ATP2B2: variants seen among roughly 807,000 people sequenced by gnomAD.
The protein encoded by ATP2B2 is plasma membrane calcium-transporting ATPase 2.
In ATP2B2, 15 loss-of-function variants were observed where a neutral mutation model predicts 120.0. That is an observed-to-expected ratio of 0.12 (90% CI 0.08 to 0.19). The LOEUF (loss-of-function observed/expected upper bound fraction) is 0.19. Among genes scored for constraint, ATP2B2 ranks in the 10% least tolerant of loss-of-function variants. The pLI, the probability that ATP2B2 is intolerant of heterozygous loss-of-function variation, is 1.00. For synonymous variants in ATP2B2, 694 were observed against 700.3 expected (o/e 0.99, Z 0.14); for missense variants, 1,045 against 1,719.8 (o/e 0.61, Z 6.94).
At chr3:10,612,028 T>C (rs766525896) in intron 2 of ATP2B2, among the ~76,000 whole-genome samples, 1 of 152,204 alleles carries the variant, frequency 6.6e-6, no homozygotes, top group Non-Finnish European at 1.5e-5. Flanking sequence ...CTCTCTGTTC[T>C]AGAGTATGGA....
At chr3:10,401,838 T>C (rs968662472) in intron 4 of ATP2B2, among the ~76,000 whole-genome samples, 2 of 152,254 alleles carry the variant, frequency 1.3e-5, no homozygotes, top group Non-Finnish European at 2.9e-5. Flanking sequence ...ATGTCTGCTA[T>C]GGGTGGAAGT....
chr3:10,561,039 C>T (rs902154917), intron 2 of ATP2B2, among the ~76,000 whole-genome samples: 1 of 152,186 alleles, frequency 6.6e-6, no homozygotes, highest in African/African-American at 2.4e-5. Flanking sequence ...GACCTTCCAT[C>T]ACCCTCTAAT....
chr3:10,429,682 C>A (rs2063253521), intron 2 of ATP2B2, among the ~76,000 whole-genome samples: 1 of 152,166 alleles, frequency 6.6e-6, no homozygotes, highest in South Asian at 2.1e-4. Context: ...GCCTCCAAAT[C>A]ACTTTAAATC....
rs145560577 is a variant in ATP2B2 at position 10,460,507 on chromosome 3, G to A, written c.-319-10645C>T. Reference sequence around the variant, plus strand: ...TGGGGTTGGGAAAGCCAAGAGAAAGGTGCAACCCCCTTCCAACACCTAGGG... The same window carrying A: ...TGGGGTTGGGAAAGCCAAGAGAAAGATGCAACCCCCTTCCAACACCTAGGG... On this transcript the variant is annotated intron_variant, in intron 1 of 22. Coordinates refer to ENST00000360273, the MANE Select transcript of ATP2B2 (RefSeq NM_001001331.4). Among the ~76,000 whole-genome samples, 11 of 152,294 alleles carry A rather than the reference G, an allele frequency of 7.2e-5. No homozygotes were observed. In the East Asian group the frequency reaches 2.1e-3, roughly 29 times the overall value.
intron 2 of ATP2B2, among the ~76,000 whole-genome samples, chr3:10,556,369 T>G (rs1373443169): frequency 6.6e-6 from 1 of 152,232 alleles, no homozygotes; most frequent in Non-Finnish European, 1.5e-5. Flanking sequence ...CTCTGCTCCC[T>G]CGAGCTGTCT....
At chr3:10,677,324 T>C (rs1363012258) in intron 1 of ATP2B2, among the ~76,000 whole-genome samples, 1 of 152,036 alleles carries the variant, frequency 6.6e-6, no homozygotes, top group Non-Finnish European at 1.5e-5. Context: ...CTGCATACTA[T>C]AAGGTTCCAA....
chr3:10,641,222 G>C lies in ATP2B2; in HGVS notation c.-459-21261C>G, dbSNP rs1406341554. On this transcript the variant is annotated intron_variant, in intron 1 of 21. Coordinates refer to the ATP2B2 transcript ENST00000646379. ...CAACTATTTGCTCAGAAGAGCCTAA[G>C]GTAGGATGCTGTAGCCAAGAAAACT... is the stretch of plus-strand genomic sequence containing the variant. 3.3e-5 allele frequency among the ~76,000 whole-genome samples: 5 copies of C among 152,356 alleles called. 1 individual carries two copies. Among genetic ancestry groups the C allele is most frequent in the Middle Eastern group, 6.8e-3 (2 of 292 alleles).
intron 12 of ATP2B2, among the ~76,000 whole-genome samples, chr3:10,367,267 A>C (rs962907649): frequency 3.3e-5 from 5 of 151,062 alleles, no homozygotes; most frequent in Non-Finnish European, 7.4e-5. Flanking sequence ...TGCCTGGAAT[A>C]CTCTTGCCCC....
intron 1 of ATP2B2, among the ~76,000 whole-genome samples, chr3:10,690,091 G>A (rs2071622111): frequency 1.3e-5 from 2 of 152,236 alleles, no homozygotes; most frequent in South Asian, 2.1e-4. Flanking sequence ...GGCTCTGGGG[G>A]CAGTCAAACA....
intron 1 of ATP2B2, among the ~76,000 whole-genome samples, chr3:10,476,758 A>T (rs2065219214): frequency 1.3e-5 from 2 of 152,198 alleles, no homozygotes; most frequent in Non-Finnish European, 2.9e-5. Flanking sequence ...AGGAAATTAA[A>T]TTTTTTCTGC....
rs1000988843 is a variant in ATP2B2 at position 10,371,906 on chromosome 3, T to G, written c.1562A>C (p.Tyr521Ser). 6.2e-7 allele frequency: 1 copy of G among 1,614,006 alleles called. No homozygotes were observed. The highest frequency in any genetic ancestry group is 8.5e-7 in the Non-Finnish European group (1 of 1,180,030). The change falls in exon 12 of 23, where the codon TAT becomes TCT. Residue 521 changes from tyrosine to serine, a missense_variant. Around this residue, in one of 11 missense-constraint regions of ATP2B2, gnomAD observed 343 missense variants for 536.8 expected, o/e 0.64. Coordinates refer to ENST00000360273, the MANE Select transcript of ATP2B2 (RefSeq NM_001001331.4). ...GGAGCTGGGGTCGGGGATCTCTTTA[T>G]AGTGGACGTCGCCGACATAGGCCTG... ...VVQAYVGDVH[Y>S]KEIPDPSSIN...
intron 14 of ATP2B2, among the ~76,000 whole-genome samples, chr3:10,358,011 C>G (rs545281384): frequency 6.6e-6 from 1 of 152,188 alleles, no homozygotes; most frequent in Non-Finnish European, 1.5e-5. Context: ...TGCTGAGCAC[C>G]CCACTAGGTG....
chr3:10,657,219 C>A (rs1237729129), intron 1 of ATP2B2, among the ~76,000 whole-genome samples: 2 of 152,216 alleles, frequency 1.3e-5, no homozygotes, highest in Non-Finnish European at 2.9e-5. Context: ...GACGGGGTCA[C>A]AGAAGTTCCA....
At chr3:10,671,597 C>T (rs1001058237) in intron 1 of ATP2B2, among the ~76,000 whole-genome samples, 1 of 152,150 alleles carries the variant, frequency 6.6e-6, no homozygotes, top group Non-Finnish European at 1.5e-5. Context: ...GATGCCAATA[C>T]TGCAGGTCAG....
intron 1 of ATP2B2, among the ~76,000 whole-genome samples, chr3:10,686,556 A>C (rs1302847104): frequency 6.6e-6 from 1 of 152,064 alleles, no homozygotes; most frequent in Non-Finnish European, 1.5e-5. Context: ...CGGGAGGCTG[A>C]GGCAGGAGAA....
intron 2 of ATP2B2, among the ~76,000 whole-genome samples, chr3:10,617,180 T>C (rs1339592661): frequency 5.9e-5 from 9 of 152,222 alleles, no homozygotes; most frequent in Non-Finnish European, 1.3e-4. Flanking sequence ...ACATTTTGGG[T>C]TATTTCCTCA....
chr3:10,350,187 G>T lies in ATP2B2; in HGVS notation c.2329C>A (p.Arg777=). Residue 777 remains arginine (R), a synonymous_variant, in exon 16 of 23, where the codon CGA becomes AGA. Transcript: ENST00000360273. The part of the protein sequence containing the change: ...RNEKGEIEQE[R]IDKIWPKLRV... The stretch of plus-strand genomic sequence containing the variant: ...AGCTTTGGCCAGATCTTGTCAATTC[G>T]CTCCTGCTCAATCTGGAGAGGGATG... 6.2e-7 allele frequency: 1 copy of T among 1,609,440 alleles called. No homozygotes were observed. Among genetic ancestry groups the T allele is most frequent in the South Asian group, 1.1e-5 (1 of 90,910 alleles).
rs1462026258 is a variant in ATP2B2 at position 10,342,498 on chromosome 3, C to T, written c.2917+254G>A. Reference sequence around the variant, plus strand: ...CGGTCAGGGCCTTGCACGGTCTGTACTTGTTGCCAGGAGCTGTCACCAGTG... The same window carrying T: ...CGGTCAGGGCCTTGCACGGTCTGTATTTGTTGCCAGGAGCTGTCACCAGTG... On this transcript the variant is annotated intron_variant, in intron 19 of 22. Transcript: ENST00000360273. This position sits in a 1 kb window ranked among gnomAD's most constrained non-coding sequence, Gnocchi z 4.4. Among the ~76,000 whole-genome samples, 1 of 152,212 alleles carries T rather than the reference C, an allele frequency of 6.6e-6. No individual in the cohort carries two copies. Among genetic ancestry groups the T allele is most frequent in the African/African-American group, 2.4e-5 (1 of 41,460 alleles).
chr3:10,360,490 G>A (rs963579319), intron 12 of ATP2B2, among the ~76,000 whole-genome samples: 1 of 152,150 alleles, frequency 6.6e-6, no homozygotes, highest in African/African-American at 2.4e-5. Flanking sequence ...AGATAAAGTT[G>A]AATCCCCTCC....
Sources: gnomAD v4.1 joint callset for allele counts (sites outside exome capture counted in the v4.1 genomes callset) on GRCh38, gnomAD v4.1.1 for gene constraint, gnomAD v4.1.1 regional missense constraint, Gnocchi (gnomAD v3.1) non-coding constraint, MANE v1.5 for transcripts, NCBI Gene and HGNC (gene_info 2026-07-23, HGNC 2026-07-21) for gene names.